Variants in TRAF3IP3 observed in about 807,000 individuals in gnomAD.
TRAF3IP3 encodes the protein TRAF3-interacting JNK-activating modulator.
A neutral mutation model predicts 86.5 loss-of-function variants in TRAF3IP3; 64 were observed. The ratio of observed to expected loss-of-function variants is 0.74; its 90% CI spans 0.60 to 0.91. The LOEUF is 0.91. TRAF3IP3 is among the 40% of genes least tolerant of loss of function. The probability of loss-of-function intolerance (pLI) is 0.00; values close to 1 mark genes in which losing one functional copy is unlikely to be tolerated. For missense variants in TRAF3IP3, 579 were observed against 642.9 expected (o/e 0.90, Z 1.07); for synonymous variants, 220 against 243.9 (o/e 0.90, Z 0.91).
chr1:209,774,056 T>A (rs2077601680), intron 9 of TRAF3IP3, among the ~76,000 whole-genome samples: 1 of 152,170 alleles, frequency 6.6e-6, no homozygotes, highest in Non-Finnish European at 1.5e-5. Flanking sequence ...TTCATATTGA[T>A]CCCTAAATTG....
At chr1:209,756,581 C>T (rs1023486214) in intron 1 of TRAF3IP3, among the ~76,000 whole-genome samples, 1 of 152,220 alleles carries the variant, frequency 6.6e-6, no homozygotes, top group African/African-American at 2.4e-5. Context: ...GTTCAGGCTA[C>T]CCAGTGATAT....
intron 14 of TRAF3IP3, 157 bp downstream of exon 14, chr1:209,779,531 C>A (rs1050345546): frequency 2.8e-6 from 2 of 725,866 alleles, no homozygotes; most frequent in African/African-American, 1.7e-5. Context: ...TGATCATTGG[C>A]TCTGAGGACA....
Position 209,772,977 on chromosome 1 carries a change from G to A in TRAF3IP3, c.732G>A (p.Gly244=), listed in dbSNP as rs1344981010. 6.8e-6 allele frequency: 11 copies of A among 1,613,854 alleles called. No homozygotes were observed. The highest frequency in any genetic ancestry group is 9.3e-6 in the Non-Finnish European group (11 of 1,179,896). ...KGQLNEDKLK[G]KLRSLENQLY... Reference sequence around the variant, plus strand: ...AGCTTAATGAAGACAAACTGAAGGGGAAACTGAGATCCTTAGAAAACCAGC... The same window carrying A: ...AGCTTAATGAAGACAAACTGAAGGGAAAACTGAGATCCTTAGAAAACCAGC... The change falls in exon 9 of 17, where the codon GGG becomes GGA. Residue 244 remains glycine (G), a synonymous_variant. Transcript: ENST00000367025.
intron 13 of TRAF3IP3, chr1:209,778,975 G>C (rs891248246): frequency 6.5e-6 from 2 of 305,542 alleles, no homozygotes; most frequent in Non-Finnish European, 1.2e-5. Context: ...TGGCTTTGTA[G>C]ATGGCCGTCT....
At position 209,756,211 on chromosome 1, in the gene TRAF3IP3, A is replaced by G. The variant is rs1225896363; in HGVS notation, c.-258A>G. 2.0e-5 allele frequency: 3 copies of G among 152,232 alleles called. No individual in the cohort carries two copies. Among genetic ancestry groups the G allele is most frequent in the Admixed American group, 6.5e-5 (1 of 15,282 alleles). The allele number at this position is 152,232 out of a possible 1,614,324, so 9.4% of individuals were successfully genotyped here. ...CCTATGGATTGAAAGCGTGTGCTTT[A>G]CCCATCTGCTGTCTTGCTCCATCTG... is the stretch of plus-strand genomic sequence containing the variant. On this transcript the variant is annotated 5_prime_UTR_variant, in exon 1 of 17. Coordinates refer to ENST00000367025, the MANE Select transcript of TRAF3IP3 (RefSeq NM_025228.4).
intron 8 of TRAF3IP3, among the ~76,000 whole-genome samples, chr1:209,771,609 T>C (rs2077529498): frequency 9.5e-6 from 1 of 105,478 alleles, no homozygotes; most frequent in East Asian, 3.0e-4. Flanking sequence ...TGTGCGCATG[T>C]GGTGTGCGTG....
rs370271066 is a variant in TRAF3IP3, at chr1:209,781,333, T to C, written c.1450-12T>C. ...GAAGTGACAGTGATGACTTTGGTGA[T>C]GTTCTCCCCAGTGCAGAGAACTGCA... On this transcript the variant is annotated splice_polypyrimidine_tract_variant and intron_variant, in intron 15 of 16. Coordinates refer to ENST00000367025, the MANE Select transcript of TRAF3IP3 (RefSeq NM_025228.4). The C allele has an allele frequency of 1.4e-5, 22 of 1,571,950 alleles. No individual in the cohort carries two copies. The highest frequency in any genetic ancestry group is 1.9e-5 in the Non-Finnish European group (22 of 1,142,984).
intron 8 of TRAF3IP3, among the ~76,000 whole-genome samples, chr1:209,769,340 A>G (rs564316482): frequency 6.6e-6 from 1 of 152,168 alleles, no homozygotes; most frequent in East Asian, 2.0e-4. Flanking sequence ...CAGCCGTTTT[A>G]CCAGTTACTT....
In TRAF3IP3 at chr1:209,762,943, C is replaced by T. The variant is rs934011886; in HGVS notation, c.551+73C>T. ...GAGAGAACACAATGAATTTCCATGT[C>T]CGCCTTAATTAAGAAAGAGGAAGCC... is the stretch of plus-strand genomic sequence containing the variant. On this transcript the variant is annotated intron_variant, in intron 5 of 16. Coordinates refer to ENST00000367025, the MANE Select transcript of TRAF3IP3 (RefSeq NM_025228.4). The T allele has an allele frequency of 1.4e-5, 22 of 1,605,640 alleles. No individual in the cohort carries two copies. The Admixed American group carries it at 3.5e-4, about 26-fold the overall frequency.
intron 8 of TRAF3IP3, among the ~76,000 whole-genome samples, chr1:209,771,310 G>T (rs1558020945): frequency 7.0e-6 from 1 of 142,758 alleles, no homozygotes; most frequent in Non-Finnish European, 1.5e-5. Context: ...TGCATGTGAA[G>T]GTGTGTGTGT....
At position 209,762,590 on chromosome 1, in the gene TRAF3IP3, C is replaced by A; in HGVS notation, c.421C>A (p.His141Asn). The A allele has an allele frequency of 6.6e-7, 1 of 1,511,510 alleles. No individual in the cohort carries two copies. Among genetic ancestry groups the A allele is most frequent in the Non-Finnish European group, 8.8e-7 (1 of 1,132,438 alleles). The allele number at this position is 1,511,510 out of a possible 1,614,324, so 93.6% of individuals were successfully genotyped here. The change falls in exon 4 of 17, where the codon CAC becomes AAC. Residue 141 changes from histidine (H) to asparagine (N), a missense_variant. Transcript: ENST00000367025. ...AGGCATCTGCAGGGATCTGTCTGAC[C>A]ACCTCTCCTCACAGGCTGGGGGCCT... The part of the protein sequence containing the change: ...PSGICRDLSD[H>N]LSSQAGGLPP...
intron 1 of TRAF3IP3, among the ~76,000 whole-genome samples, chr1:209,757,423 G>A (rs2077173581): frequency 6.6e-6 from 1 of 151,968 alleles, no homozygotes; most frequent in South Asian, 2.1e-4. Context: ...GCCAAACAGG[G>A]AGGGGACCTC....
At position 209,762,568 on chromosome 1, in the gene TRAF3IP3, C is replaced by A; in HGVS notation, c.399C>A (p.Gly133=). 6.7e-7 allele frequency: 1 copy of A among 1,492,986 alleles called. No homozygotes were observed. Among genetic ancestry groups the A allele is most frequent in the Non-Finnish European group, 8.9e-7 (1 of 1,122,588 alleles). 92.5% of individuals were successfully genotyped at this position (1,492,986 alleles called of 1,614,324 possible). ...CAGCCCAGCATCCTCCTCCCTCAGG[C>A]ATCTGCAGGGATCTGTCTGACCACC... ...VFPAQHPPPS[G]ICRDLSDHLS... is the part of the protein sequence containing the mutation. The change falls in exon 4 of 17, where the codon GGC becomes GGA. Residue 133 remains glycine, a synonymous_variant. Transcript: ENST00000367025.
In TRAF3IP3 at chr1:209,762,583, G is replaced by A. The variant is rs1372954134; in HGVS notation, c.414G>A (p.Leu138=). The A allele has an allele frequency of 9.3e-6, 14 of 1,509,846 alleles. 2 individuals are homozygous for A. Among genetic ancestry groups the A allele is most frequent in the South Asian group, 1.4e-5 (1 of 72,178 alleles). The allele number at this position is 1,509,846 out of a possible 1,614,324, so 93.5% of individuals were successfully genotyped here. The change falls in exon 4 of 17, where the codon CTG becomes CTA. Residue 138 remains leucine (L), a synonymous_variant. Transcript: ENST00000367025. ...HPPPSGICRD[L]SDHLSSQAGG... The stretch of plus-strand genomic sequence containing the variant: ...CTCCCTCAGGCATCTGCAGGGATCT[G>A]TCTGACCACCTCTCCTCACAGGCTG...
At chr1:209,777,689 GATAGAGT>G in intron 12 of TRAF3IP3, 1 of 571,754 alleles carries the variant, frequency 1.7e-6, no homozygotes, top group African/African-American at 1.9e-5. Flanking sequence ...CACTGTAGTA[GATAGAGT>G]ATCTTGTTGT....
At chr1:209,771,607 TGTG>T (rs1484030974) in intron 8 of TRAF3IP3, among the ~76,000 whole-genome samples, 8 of 103,140 alleles carry the variant, frequency 7.8e-5, no homozygotes, top group African/African-American at 2.7e-4. Flanking sequence ...TGTGTGCGCA[TGTG>T]GTGTGCGTGT....
chr1:209,777,695 G>A (rs1270039929), intron 12 of TRAF3IP3: 4 of 545,046 alleles, frequency 7.3e-6, no homozygotes, highest in Non-Finnish European at 1.3e-5. Context: ...AGTAGATAGA[G>A]TATCTTGTTG....
chr1:209,770,512 T>C, intron 8 of TRAF3IP3, among the ~76,000 whole-genome samples: 1 of 148,018 alleles, frequency 6.8e-6, no homozygotes, highest in Admixed American at 6.8e-5. Flanking sequence ...TGTGAAAGTA[T>C]GTGTGTGCAG....
chr1:209,771,482 G>T (rs111068378), intron 8 of TRAF3IP3, among the ~76,000 whole-genome samples: 8,275 of 137,746 alleles, frequency 0.06, 1,039 homozygotes, highest in African/African-American at 0.23. Context: ...TGCATATGGA[G>T]GTGTGCGTGT....
Sources: allele counts gnomAD v4.1 joint callset (sites outside exome capture counted in the v4.1 genomes callset), GRCh38; gene constraint gnomAD v4.1.1; transcripts MANE v1.5; gene names NCBI Gene and HGNC (gene_info 2026-07-23, HGNC 2026-07-21).